Variants in C8orf34 observed in about 807,000 individuals in gnomAD.
The protein encoded by C8orf34 is chromosome 8 open reading frame 34.
In C8orf34, 65 loss-of-function variants were observed where a neutral mutation model predicts 68.3. The ratio of observed to expected loss-of-function variants is 0.95; its 90% confidence interval spans 0.78 to 1.17. C8orf34 has a LOEUF of 1.17. Among genes scored for constraint, C8orf34 ranks in the 50% most tolerant of loss-of-function variants. The probability of loss-of-function intolerance (pLI) is 0.00; values close to 1 mark genes in which losing one functional copy is unlikely to be tolerated. For synonymous variants in C8orf34, 244 were observed against 241.2 expected, an observed-to-expected ratio of 1.01 and a Z score of -0.11; for missense variants, 664 against 655.4, an observed-to-expected ratio of 1.01 and a Z score of -0.14.
rs553428251 is a variant in C8orf34, at chr8:68,588,675, G to T, written c.1106-51701G>T. Among the ~76,000 whole-genome samples, 14 of 152,202 alleles carry T rather than the reference G, an allele frequency of 9.2e-5. No homozygotes were observed. In the South Asian group the frequency reaches 2.3e-3, roughly 25 times the overall value. ...GTGTGGTCATTAGGGTCATTAGATA[G>T]GTCTTCATGCATTTGAAGTGGAAAA... On this transcript the variant is annotated intron_variant, in intron 7 of 13. Coordinates refer to ENST00000518698, the MANE Select transcript of C8orf34 (RefSeq NM_052958.4).
At chr8:68,552,387 T>C (rs1307333921) in intron 7 of C8orf34, among the ~76,000 whole-genome samples, 1 of 152,184 alleles carries the variant, frequency 6.6e-6, no homozygotes, top group Non-Finnish European at 1.5e-5. Context: ...TTTTAGTTTG[T>C]CAGAGTACAA....
chr8:68,627,153 C>T (rs1221100981), intron 7 of C8orf34, among the ~76,000 whole-genome samples: 3 of 152,114 alleles, frequency 2.0e-5, no homozygotes, highest in African/African-American at 7.2e-5. Context: ...CCAACCTCTC[C>T]TGATGACTAC....
chr8:68,505,798 G>A (rs1292334713), intron 5 of C8orf34, among the ~76,000 whole-genome samples: 1 of 151,324 alleles, frequency 6.6e-6, no homozygotes, highest in East Asian at 1.9e-4. Flanking sequence ...GCAAGGGAGA[G>A]GTATTGAAGT....
At chr8:68,441,052 C>T (rs1354297238) in intron 2 of C8orf34, among the ~76,000 whole-genome samples, 1 of 152,172 alleles carries the variant, frequency 6.6e-6, no homozygotes, top group Non-Finnish European at 1.5e-5. Context: ...GATCCGCCCT[C>T]CTTGGCCTCC....
At chr8:68,815,541 T>C (rs1824784739) in intron 12 of C8orf34, among the ~76,000 whole-genome samples, 1 of 152,200 alleles carries the variant, frequency 6.6e-6, no homozygotes, top group Admixed American at 6.6e-5. Context: ...ATGGCTTTCC[T>C]GCCTAATCCA....
chr8:68,510,057 C>G (rs879676046), intron 5 of C8orf34, among the ~76,000 whole-genome samples: 1 of 152,150 alleles, frequency 6.6e-6, no homozygotes, highest in East Asian at 1.9e-4. Flanking sequence ...TGTGCTGTGC[C>G]TTTTAACATC....
chr8:68,490,025 AAGTGGTAGGC>A (rs1362444833), intron 5 of C8orf34, among the ~76,000 whole-genome samples: 7 of 152,178 alleles, frequency 4.6e-5, no homozygotes, highest in African/African-American at 1.7e-4. Context: ...GCAAGTGCAT[AAGTGGTAGGC>A]ATGGCTTTCC....
At chr8:68,700,121 AG>A (rs1820945285) in intron 8 of C8orf34, among the ~76,000 whole-genome samples, 1 of 152,146 alleles carries the variant, frequency 6.6e-6, no homozygotes, top group South Asian at 2.1e-4. Context: ...ATCAGGCCAC[AG>A]CAAGAGTGCC....
intron 8 of C8orf34, among the ~76,000 whole-genome samples, chr8:68,681,283 G>A (rs1216808927): frequency 6.9e-6 from 1 of 145,178 alleles, no homozygotes; most frequent in Non-Finnish European, 1.5e-5. Flanking sequence ...AGAGATTAAA[G>A]TAAAACAGGC....
At chr8:68,699,159 A>T (rs143203719) in intron 8 of C8orf34, among the ~76,000 whole-genome samples, 1 of 151,984 alleles carries the variant, frequency 6.6e-6, no homozygotes, top group South Asian at 2.1e-4. Flanking sequence ...GGAGATTTCA[A>T]GGTGTCCTAA....
rs534790863 is a variant in C8orf34, at chr8:68,450,076, T to A, written c.607+3616T>A. On this transcript the variant is annotated intron_variant, in intron 3 of 13. Transcript: ENST00000518698. ...CACTGCTTTATCAACTAAGCTGATG[T>A]AACATTTTAACAATATTCACAACAT... Among the ~76,000 whole-genome samples, 8 of 152,258 alleles carry A rather than the reference T, an allele frequency of 5.3e-5. No homozygotes were observed. In the South Asian group the frequency reaches 1.4e-3, roughly 28 times the overall value.
chr8:68,587,204 T>C (rs768994864), intron 7 of C8orf34, among the ~76,000 whole-genome samples: 1 of 152,098 alleles, frequency 6.6e-6, no homozygotes, highest in African/African-American at 2.4e-5. Context: ...TAATCTATCA[T>C]AGGATTTCTT....
chr8:68,686,921 G>T (rs185339544), intron 8 of C8orf34, among the ~76,000 whole-genome samples: 156 of 152,162 alleles, frequency 1.0e-3, no homozygotes, highest in African/African-American at 3.6e-3. Flanking sequence ...AACAAATTCA[G>T]TAGTCTCAGG....
chr8:68,437,207 G>C (rs1432010679), intron 1 of C8orf34, among the ~76,000 whole-genome samples: 2 of 151,980 alleles, frequency 1.3e-5, no homozygotes, highest in East Asian at 3.9e-4. Context: ...GTAATTACTT[G>C]GTTTATTATG....
At chr8:68,574,061 T>C (rs1816831651) in intron 7 of C8orf34, among the ~76,000 whole-genome samples, 1 of 152,146 alleles carries the variant, frequency 6.6e-6, no homozygotes, top group Admixed American at 6.6e-5. Context: ...GACTACCAAA[T>C]TATTTTTCAA....
At chr8:68,585,318 C>A (rs1412454991) in intron 7 of C8orf34, among the ~76,000 whole-genome samples, 1 of 151,828 alleles carries the variant, frequency 6.6e-6, no homozygotes, top group Non-Finnish European at 1.5e-5. Context: ...CAAAAAAAAG[C>A]TTTGAAAGGT....
At chr8:68,754,446 G>C (rs538436100) in intron 10 of C8orf34, among the ~76,000 whole-genome samples, 1 of 152,302 alleles carries the variant, frequency 6.6e-6, no homozygotes, top group Admixed American at 6.5e-5. Flanking sequence ...TGTAAACAGG[G>C]TTTTTAAGAA....
chr8:68,366,570 A>G (rs1238947123), intron 1 of C8orf34, among the ~76,000 whole-genome samples: 3 of 151,570 alleles, frequency 2.0e-5, no homozygotes, highest in African/African-American at 7.3e-5. Flanking sequence ...ATGGAACAGA[A>G]CAGAGCCCTC....
At chr8:68,754,891 G>C (rs1174698239) in intron 10 of C8orf34, among the ~76,000 whole-genome samples, 1 of 152,106 alleles carries the variant, frequency 6.6e-6, no homozygotes, top group East Asian at 1.9e-4. Context: ...ACATAGGATA[G>C]ACACATTGGA....
Sources: allele counts gnomAD v4.1 joint callset (sites outside exome capture counted in the v4.1 genomes callset), GRCh38; gene constraint gnomAD v4.1.1; transcripts MANE v1.5; gene names NCBI Gene and HGNC (gene_info 2026-07-23, HGNC 2026-07-21).